The following SCFD2 variants were observed in gnomAD, a reference collection of about 807,000 sequenced individuals.
SCFD2 encodes sec1 family domain-containing protein 2.
Under a neutral mutation model 58.9 loss-of-function variants are expected in SCFD2, and 54 were observed. The ratio of observed to expected loss-of-function variants is 0.92; its 90% CI spans 0.74 to 1.15. The LOEUF (loss-of-function observed/expected upper bound fraction) is 1.15, where lower values mean the gene tolerates loss of function less well. SCFD2 is among the 50% of genes most tolerant of loss of function. The pLI is 0.00. For missense variants in SCFD2, 805 were observed against 836.6 expected (o/e 0.96, Z 0.47); for synonymous variants, 321 against 335.9 (o/e 0.96, Z 0.49).
intron 5 of SCFD2, among the ~76,000 whole-genome samples, chr4:52,922,479 T>C (rs1281184768): frequency 6.6e-6 from 1 of 152,186 alleles, no homozygotes; most frequent in Non-Finnish European, 1.5e-5. Flanking sequence ...TCACTTATTG[T>C]AATGTTTTCA....
chr4:52,889,751 A>T (rs139423049), intron 7 of SCFD2, among the ~76,000 whole-genome samples: 1 of 152,362 alleles, frequency 6.6e-6, no homozygotes, highest in Non-Finnish European at 1.5e-5. Flanking sequence ...ACAGAAAACC[A>T]GCACCCTGAA....
intron 5 of SCFD2, among the ~76,000 whole-genome samples, chr4:53,045,036 A>G (rs1447299577): frequency 2.6e-5 from 4 of 151,978 alleles, no homozygotes; most frequent in Non-Finnish European, 5.9e-5. Context: ...TTCAACTAAC[A>G]AATCTGCCAT....
intron 4 of SCFD2, among the ~76,000 whole-genome samples, chr4:53,148,807 T>C (rs1257848858): frequency 6.6e-6 from 1 of 152,082 alleles, no homozygotes; most frequent in African/African-American, 2.4e-5. Flanking sequence ...GCCAGGAGTT[T>C]GAGAAGAGCC....
chr4:53,208,574 T>A (rs756810213), intron 4 of SCFD2, among the ~76,000 whole-genome samples: 7 of 152,178 alleles, frequency 4.6e-5, no homozygotes, highest in Non-Finnish European at 1.0e-4. Flanking sequence ...CTGGTGTGCA[T>A]ACCCAATCTC....
At chr4:53,246,666 T>C (rs1730085764) in intron 4 of SCFD2, among the ~76,000 whole-genome samples, 1 of 152,180 alleles carries the variant, frequency 6.6e-6, no homozygotes, top group Admixed American at 6.6e-5. Flanking sequence ...GACCCTTTCC[T>C]TATACCATAC....
chr4:52,881,339 T>C (rs1476999262), intron 8 of SCFD2, among the ~76,000 whole-genome samples: 1 of 152,116 alleles, frequency 6.6e-6, no homozygotes, highest in African/African-American at 2.4e-5. Flanking sequence ...TCCATGGGAG[T>C]CTGTGCTATC....
intron 5 of SCFD2, among the ~76,000 whole-genome samples, chr4:53,083,524 T>C (rs927861119): frequency 1.3e-5 from 2 of 152,208 alleles, no homozygotes; most frequent in African/African-American, 2.4e-5. Context: ...TCAGTATCTC[T>C]GATAAATATT....
chr4:53,269,493 C>T (rs577471528), intron 4 of SCFD2, among the ~76,000 whole-genome samples: 10 of 151,920 alleles, frequency 6.6e-5, no homozygotes, highest in East Asian at 3.9e-4. Context: ...TAAATCAAAG[C>T]GATAAAGAAT....
At chr4:53,005,942 C>T (rs1175129711) in intron 5 of SCFD2, among the ~76,000 whole-genome samples, 1 of 152,176 alleles carries the variant, frequency 6.6e-6, no homozygotes, top group Non-Finnish European at 1.5e-5. Flanking sequence ...ATGCACTCCA[C>T]TCCACACTCC....
chr4:53,103,138 A>G (rs1235924576), intron 5 of SCFD2, among the ~76,000 whole-genome samples: 2 of 152,180 alleles, frequency 1.3e-5, no homozygotes, highest in Non-Finnish European at 2.9e-5. Flanking sequence ...ATGACCACAC[A>G]TTGCTTATTT....
At chr4:53,066,686 T>C (rs1723672102) in intron 5 of SCFD2, among the ~76,000 whole-genome samples, 1 of 152,056 alleles carries the variant, frequency 6.6e-6, no homozygotes, top group South Asian at 2.1e-4. Context: ...TTCTGTTCCA[T>C]CTGCCTAGAA....
intron 5 of SCFD2, chr4:52,957,729 C>T (rs1296264329): frequency 6.6e-6 from 1 of 152,160 alleles, no homozygotes; most frequent in Non-Finnish European, 1.5e-5. Context: ...TTGATTAAAC[C>T]CTTGTTTGAT....
At chr4:53,293,487 T>C (rs917749121) in intron 3 of SCFD2, among the ~76,000 whole-genome samples, 2 of 152,088 alleles carry the variant, frequency 1.3e-5, no homozygotes, top group African/African-American at 4.8e-5. Flanking sequence ...CATATGCAAA[T>C]CATATACTAT....
intron 5 of SCFD2, among the ~76,000 whole-genome samples, chr4:53,030,976 T>G (rs775502778): frequency 9.9e-5 from 15 of 152,152 alleles, no homozygotes; most frequent in Non-Finnish European, 1.3e-4. Context: ...TTGACACACA[T>G]AACAAATGCA....
At chr4:53,256,110 C>T (rs1276125673) in intron 4 of SCFD2, among the ~76,000 whole-genome samples, 26 of 150,340 alleles carry the variant, frequency 1.7e-4, no homozygotes, top group Middle Eastern at 3.5e-3. Flanking sequence ...CGGGCGGAGA[C>T]GCTCCTCACT....
intron 3 of SCFD2, among the ~76,000 whole-genome samples, chr4:53,299,535 C>G (rs1732189605): frequency 6.6e-6 from 1 of 152,108 alleles, no homozygotes; most frequent in Non-Finnish European, 1.5e-5. Flanking sequence ...AGGATATTAT[C>G]CAGGAGAACT....
chr4:53,187,498 C>A (rs1727772098), intron 4 of SCFD2, among the ~76,000 whole-genome samples: 1 of 152,056 alleles, frequency 6.6e-6, no homozygotes, highest in Admixed American at 6.6e-5. Flanking sequence ...CACTGATATG[C>A]ACAAAGATGT....
chr4:52,925,661 C>T (rs1044314301), intron 5 of SCFD2, among the ~76,000 whole-genome samples: 9 of 152,128 alleles, frequency 5.9e-5, no homozygotes, highest in East Asian at 1.9e-4. Context: ...TATGAGATAA[C>T]GGCCTTTTGT....
intron 1 of SCFD2, among the ~76,000 whole-genome samples, chr4:53,362,231 C>T (rs961734906): frequency 1.3e-5 from 2 of 152,082 alleles, no homozygotes; most frequent in Admixed American, 1.3e-4. Flanking sequence ...CCAAGCAGAG[C>T]TGCAGAGGAA....
Sources: allele counts gnomAD v4.1 joint callset (sites outside exome capture counted in the v4.1 genomes callset), GRCh38; gene constraint gnomAD v4.1.1; transcripts MANE v1.5; gene names NCBI Gene and HGNC (gene_info 2026-07-23, HGNC 2026-07-21).